LRRC4C: variants seen among roughly 807,000 people sequenced by gnomAD.
The protein encoded by LRRC4C is leucine rich repeat containing 4C.
A neutral mutation model predicts 33.6 loss-of-function variants in LRRC4C; 5 were observed. That is an observed-to-expected ratio of 0.15 (90% CI 0.08 to 0.31). The LOEUF is 0.31. Among genes scored for constraint, LRRC4C ranks in the 10% least tolerant of loss-of-function variants. LRRC4C has a pLI of 1.00. For synonymous variants in LRRC4C, 329 were observed against 302.0 expected (o/e 1.09, Z -0.93); for missense variants, 560 against 796.7 (o/e 0.70, Z 3.58).
At chr11:41,407,145 A>G (rs115954286) in intron 1 of LRRC4C, among the ~76,000 whole-genome samples, 1,827 of 152,268 alleles carry the variant, frequency 0.012, 39 homozygotes, top group African/African-American at 0.042. Flanking sequence ...ATGGACCACG[A>G]AAAAACTGGA....
intron 3 of LRRC4C, among the ~76,000 whole-genome samples, chr11:40,635,029 A>C (rs1010387083): frequency 6.6e-6 from 1 of 152,166 alleles, no homozygotes; most frequent in African/African-American, 2.4e-5. Context: ...GCTAATTACA[A>C]AACATGTTTA....
chr11:40,154,088 G>A (rs1858454563), intron 5 of LRRC4C, among the ~76,000 whole-genome samples: 1 of 152,096 alleles, frequency 6.6e-6, no homozygotes, highest in Non-Finnish European at 1.5e-5. Flanking sequence ...AGATTTCTCA[G>A]CATAAACCCT....
At chr11:40,343,532 C>G (rs995711882) in intron 3 of LRRC4C, among the ~76,000 whole-genome samples, 1 of 151,770 alleles carries the variant, frequency 6.6e-6, no homozygotes, top group Non-Finnish European at 1.5e-5. Context: ...CAGACAGACC[C>G]TGGTGTCCAT....
chr11:40,136,149 T>C (rs1379234982), intron 6 of LRRC4C, among the ~76,000 whole-genome samples: 1 of 151,930 alleles, frequency 6.6e-6, no homozygotes, highest in African/African-American at 2.4e-5. Context: ...GCTTTTACAC[T>C]GAAGGGCAGA....
chr11:40,777,740 T>C (rs36066891), intron 2 of LRRC4C, among the ~76,000 whole-genome samples: 1 of 151,704 alleles, frequency 6.6e-6, no homozygotes, highest in African/African-American at 2.4e-5. Flanking sequence ...CAGGCTGGAG[T>C]GCAGTGGCAT....
intron 2 of LRRC4C, among the ~76,000 whole-genome samples, chr11:40,819,160 G>C (rs531813635): frequency 6.6e-6 from 1 of 152,138 alleles, no homozygotes; most frequent in South Asian, 2.1e-4. Context: ...TCAATAAAAT[G>C]ATTCACAAAT....
chr11:40,169,650 C>A lies in LRRC4C; in HGVS notation c.-95-28797G>T, dbSNP rs564268838. Among the ~76,000 whole-genome samples the A allele has an allele frequency of 9.9e-5, 15 of 152,188 alleles. No homozygotes were observed. The South Asian group carries it at 3.1e-3, about 32-fold the overall frequency. On this transcript the variant is annotated intron_variant, in intron 5 of 6. Transcript: ENST00000528697. ...ATTGTTGGGAAAGACAAGGCACATG[C>A]CTGTCAGTTGAGATTTCATTTCCAT...
At chr11:40,685,872 C>G (rs529218083) in intron 2 of LRRC4C, among the ~76,000 whole-genome samples, 1 of 151,670 alleles carries the variant, frequency 6.6e-6, no homozygotes, top group Admixed American at 6.6e-5. Context: ...CAACCTTGTC[C>G]TAGGTTGAAA....
At chr11:40,678,631 G>A (rs1477283023) in intron 2 of LRRC4C, among the ~76,000 whole-genome samples, 1 of 152,074 alleles carries the variant, frequency 6.6e-6, no homozygotes, top group African/African-American at 2.4e-5. Flanking sequence ...GATAGTGAAT[G>A]TTTCACAAGA....
chr11:40,528,943 C>T (rs1327079599), intron 3 of LRRC4C, among the ~76,000 whole-genome samples: 1 of 152,030 alleles, frequency 6.6e-6, no homozygotes, highest in Non-Finnish European at 1.5e-5. Context: ...TAGTCAAACT[C>T]ATAGAAGCAG....
intron 1 of LRRC4C, among the ~76,000 whole-genome samples, chr11:40,950,640 G>A (rs1958651422): frequency 6.6e-6 from 1 of 151,908 alleles, no homozygotes; most frequent in Admixed American, 6.6e-5. Flanking sequence ...TTACCATAGT[G>A]ATATCATAGT....
chr11:40,794,583 C>T (rs549707857), intron 2 of LRRC4C, among the ~76,000 whole-genome samples: 13 of 152,178 alleles, frequency 8.5e-5, no homozygotes, highest in East Asian at 3.9e-4. Context: ...ACGCTGTTTC[C>T]GTCTGTTGAA....
chr11:41,307,626 A>G (rs1950540742), intron 1 of LRRC4C, among the ~76,000 whole-genome samples: 1 of 152,184 alleles, frequency 6.6e-6, no homozygotes, highest in Non-Finnish European at 1.5e-5. Flanking sequence ...CTCTGTGAAG[A>G]ATCTCATTAC....
intron 2 of LRRC4C, among the ~76,000 whole-genome samples, chr11:40,748,829 C>T (rs1219641335): frequency 2.6e-5 from 4 of 151,924 alleles, no homozygotes; most frequent in Non-Finnish European, 4.4e-5. Context: ...ACAAGAATAG[C>T]TATACATATA....
intron 5 of LRRC4C, among the ~76,000 whole-genome samples, chr11:40,224,007 T>C (rs913854481): frequency 1.3e-5 from 2 of 152,250 alleles, no homozygotes; most frequent in Middle Eastern, 3.2e-3. Flanking sequence ...CACTGAGATA[T>C]GTAGTTTGTA....
intron 1 of LRRC4C, among the ~76,000 whole-genome samples, chr11:41,097,814 C>G (rs1763242590): frequency 6.6e-6 from 1 of 152,042 alleles, no homozygotes. Flanking sequence ...TAAATCACAC[C>G]AAGACCACTG....
chr11:41,442,257 TA>T (rs1480723067), intron 1 of LRRC4C, among the ~76,000 whole-genome samples: 1 of 151,908 alleles, frequency 6.6e-6, no homozygotes, highest in Non-Finnish European at 1.5e-5. Context: ...CTATGACCCA[TA>T]ATACAAAGTC....
intron 1 of LRRC4C, among the ~76,000 whole-genome samples, chr11:40,968,882 C>T (rs1218978684): frequency 1.3e-5 from 2 of 152,152 alleles, no homozygotes; most frequent in Non-Finnish European, 2.9e-5. Context: ...ACACAACATT[C>T]ATTCTGTAGC....
At chr11:40,307,632 C>T (rs896618) in intron 4 of LRRC4C, among the ~76,000 whole-genome samples, 87,864 of 151,676 alleles carry the variant, frequency 0.58, 26,340 homozygotes, top group East Asian at 0.77. Context: ...CCTGTTGAAA[C>T]TGAAAACTGC....
Sources: gnomAD v4.1 joint callset for allele counts (sites outside exome capture counted in the v4.1 genomes callset) on GRCh38, gnomAD v4.1.1 for gene constraint, MANE v1.5 for transcripts, NCBI Gene and HGNC (gene_info 2026-07-23, HGNC 2026-07-21) for gene names.